The following PCCA variants were observed in gnomAD, a reference collection of about 807,000 sequenced individuals.
The protein encoded by PCCA is propionyl-CoA carboxylase subunit alpha.
Under a neutral mutation model 101.3 loss-of-function variants are expected in PCCA, and 74 were observed. The ratio of observed to expected loss-of-function variants is 0.73; its 90% CI spans 0.61 to 0.89. PCCA has a LOEUF of 0.89. Among genes scored for constraint, PCCA ranks in the 40% least tolerant of loss-of-function variants. The probability of loss-of-function intolerance (pLI) is 0.00; values close to 1 mark genes in which losing one functional copy is unlikely to be tolerated. For synonymous variants in PCCA, 294 were observed against 313.6 expected (o/e 0.94, Z 0.66); for missense variants, 891 against 907.0 (o/e 0.98, Z 0.23).
intron 19 of PCCA, among the ~76,000 whole-genome samples, chr13:100,396,526 A>G (rs982722851): frequency 1.3e-5 from 2 of 152,332 alleles, no homozygotes; most frequent in Non-Finnish European, 1.5e-5. Flanking sequence ...AAATTCTTGG[A>G]AAGTTTTAAA....
chr13:100,515,235 A>G (rs1402917410), intron 21 of PCCA, among the ~76,000 whole-genome samples, 192 bp from the exon 22 acceptor site: 2 of 152,226 alleles, frequency 1.3e-5, no homozygotes, highest in African/African-American at 2.4e-5. Flanking sequence ...TATTTCAAGA[A>G]CTTTCTGAAA....
intron 21 of PCCA, among the ~76,000 whole-genome samples, chr13:100,455,507 T>G (rs1183141985): frequency 6.6e-6 from 1 of 152,168 alleles, no homozygotes; most frequent in East Asian, 1.9e-4. Flanking sequence ...TGCTTTGTGT[T>G]TGTGAGACTC....
chr13:100,410,538 G>A (rs1188859040), intron 19 of PCCA, among the ~76,000 whole-genome samples: 3 of 152,232 alleles, frequency 2.0e-5, no homozygotes, highest in Non-Finnish European at 4.4e-5. Context: ...ACCACGCCCA[G>A]CCTGCCAGGA....
intron 22 of PCCA, among the ~76,000 whole-genome samples, chr13:100,523,206 G>A (rs545495309): frequency 6.6e-6 from 1 of 152,242 alleles, no homozygotes; most frequent in Non-Finnish European, 1.5e-5. Context: ...AGAGAACTTG[G>A]TAGAAGGATA....
At chr13:100,264,079 A>C (rs1424424794) in intron 10 of PCCA, among the ~76,000 whole-genome samples, 5 of 144,084 alleles carry the variant, frequency 3.5e-5, no homozygotes, top group Non-Finnish European at 6.1e-5. Flanking sequence ...TGTATATCGT[A>C]TATATACGGT....
chr13:100,497,354 G>T (rs191710450), intron 21 of PCCA, among the ~76,000 whole-genome samples: 109 of 152,244 alleles, frequency 7.2e-4, no homozygotes, highest in African/African-American at 2.4e-3. Flanking sequence ...CACCGAATTT[G>T]GCTTTGAAGT....
At chr13:100,255,047 T>C (rs1222282800) in intron 8 of PCCA, among the ~76,000 whole-genome samples, 1 of 152,114 alleles carries the variant, frequency 6.6e-6, no homozygotes, top group African/African-American at 2.4e-5. Flanking sequence ...GATCACACTC[T>C]GCACTCTAGC....
intron 16 of PCCA, among the ~76,000 whole-genome samples, chr13:100,319,298 T>C (rs1431678276): frequency 6.6e-6 from 1 of 152,068 alleles, no homozygotes; most frequent in Non-Finnish European, 1.5e-5. Flanking sequence ...CTGTTCACTC[T>C]GATGGTAGTT....
intron 19 of PCCA, among the ~76,000 whole-genome samples, chr13:100,421,340 A>G (rs1473186978): frequency 6.6e-6 from 1 of 152,218 alleles, no homozygotes; most frequent in Non-Finnish European, 1.5e-5. Flanking sequence ...GCATTTGTCC[A>G]GAGATACTCT....
chr13:100,328,604 T>G (rs2069030224), intron 16 of PCCA, among the ~76,000 whole-genome samples: 1 of 151,464 alleles, frequency 6.6e-6, no homozygotes, highest in Non-Finnish European at 1.5e-5. Flanking sequence ...TCCTCCATAT[T>G]TTCTACTGTA....
chr13:100,133,283 A>G (rs1001586931), intron 4 of PCCA, among the ~76,000 whole-genome samples: 1 of 152,148 alleles, frequency 6.6e-6, no homozygotes, highest in African/African-American at 2.4e-5. Context: ...TTCTTTATGT[A>G]TTCCGAATAC....
At chr13:100,527,071 T>C (rs1312686638) in intron 22 of PCCA, among the ~76,000 whole-genome samples, 2 of 151,754 alleles carry the variant, frequency 1.3e-5, no homozygotes, top group South Asian at 2.1e-4. Context: ...TCCCCGGGAC[T>C]ATAGACAGAA....
intron 18 of PCCA, among the ~76,000 whole-genome samples, chr13:100,353,959 A>G (rs1404779259): frequency 6.6e-6 from 1 of 151,526 alleles, no homozygotes; most frequent in Non-Finnish European, 1.5e-5. Context: ...TCTCAAAATA[A>G]AAGAAGAAAT....
rs561268023 is a variant in PCCA, at chr13:100,331,475, G to C, written c.1540+804G>C. Among the ~76,000 whole-genome samples the C allele has an allele frequency of 4.6e-5, 7 of 152,300 alleles. No homozygotes were observed. The East Asian group carries it at 1.2e-3, about 25-fold the overall frequency. ...ACATTCATATTAGGAGCTATATATA[G>C]ATTCAGGTCAAGTTGATGTCGTTGA... On this transcript the variant is annotated intron_variant, in intron 17 of 23. Transcript: ENST00000376285.
intron 19 of PCCA, among the ~76,000 whole-genome samples, chr13:100,422,086 C>CTTTCTTTCTTTCTT (rs2078827689): frequency 1.5e-5 from 2 of 129,422 alleles, no homozygotes; most frequent in Non-Finnish European, 3.2e-5. Flanking sequence ...TTCTTTCTTT[C>CTTTCTTTCTTTCTT]TTTCTTTCTT....
At chr13:100,237,292 C>G (rs952846408) in intron 8 of PCCA, 1 of 152,246 alleles carries the variant, frequency 6.6e-6, no homozygotes, top group African/African-American at 2.4e-5. Context: ...CTTTGCCCAT[C>G]ATTAAGTGTG....
intron 9 of PCCA, among the ~76,000 whole-genome samples, chr13:100,259,555 G>C (rs1232287271): frequency 6.6e-6 from 1 of 151,734 alleles, no homozygotes; most frequent in African/African-American, 2.4e-5. Flanking sequence ...GGATGGTCTC[G>C]ATCTCTTGAC....
intron 4 of PCCA, among the ~76,000 whole-genome samples, chr13:100,115,090 T>C (rs1244103714): frequency 1.3e-5 from 2 of 152,194 alleles, no homozygotes; most frequent in Non-Finnish European, 2.9e-5. Context: ...CATTCAGCCA[T>C]AGAAAAGAAT....
chr13:100,463,804 A>G (rs188913731), intron 21 of PCCA, among the ~76,000 whole-genome samples: 2 of 152,280 alleles, frequency 1.3e-5, no homozygotes, highest in Admixed American at 1.3e-4. Flanking sequence ...TCTCTAATGG[A>G]GTCACTTACA....
Sources: allele counts gnomAD v4.1 joint callset (sites outside exome capture counted in the v4.1 genomes callset), GRCh38; gene constraint gnomAD v4.1.1; transcripts MANE v1.5; gene names NCBI Gene and HGNC (gene_info 2026-07-23, HGNC 2026-07-21).